BMPR2: variants seen among roughly 807,000 people sequenced by gnomAD.
BMPR2 encodes bone morphogenetic protein receptor type-2.
In BMPR2, 29 loss-of-function variants were observed where a neutral mutation model predicts 100.8. That is an observed-to-expected ratio of 0.29 (90% CI 0.21 to 0.39). The LOEUF is 0.39. Ranked by LOEUF, BMPR2 falls within the 10% of genes least tolerant of loss-of-function variation. The pLI, the probability that BMPR2 is intolerant of heterozygous loss-of-function variation, is 1.00. For synonymous variants in BMPR2, 382 were observed against 442.3 expected (o/e 0.86, Z 1.71); for missense variants, 1,011 against 1,274.5 (o/e 0.79, Z 3.15).
rs376362142 is a variant in BMPR2, at chr2:202,427,253, A to G, written c.77-37556A>G. On this transcript the variant is annotated intron_variant, in intron 1 of 12. Transcript: ENST00000374580. Reference sequence around the variant, plus strand: ...TGTGCCTGGTACTTCCCAGCTACTCAGGAAGCTGAGGTGAGAGGATTGCTT... The same window carrying G: ...TGTGCCTGGTACTTCCCAGCTACTCGGGAAGCTGAGGTGAGAGGATTGCTT... Among the ~76,000 whole-genome samples, 7 of 151,334 alleles carry G rather than the reference A, an allele frequency of 4.6e-5. No homozygotes were observed. In the East Asian group the frequency reaches 1.2e-3, roughly 26 times the overall value.
chr2:202,527,743 C>T (rs1687944511), intron 7 of BMPR2, among the ~76,000 whole-genome samples: 1 of 150,230 alleles, frequency 6.7e-6, no homozygotes, highest in Non-Finnish European at 1.5e-5. Context: ...GCCGACATTG[C>T]GCCACTGCAG....
intron 1 of BMPR2, among the ~76,000 whole-genome samples, chr2:202,425,774 C>T (rs1416746264): frequency 6.6e-6 from 1 of 151,954 alleles, no homozygotes; most frequent in Non-Finnish European, 1.5e-5. Context: ...ATCCTTTTGA[C>T]CTTGGTCTAA....
At chr2:202,510,682 T>C (rs1574484775) in intron 3 of BMPR2, among the ~76,000 whole-genome samples, 1 of 152,216 alleles carries the variant, frequency 6.6e-6, no homozygotes, top group South Asian at 2.1e-4. Flanking sequence ...TTTTTGTTTA[T>C]TTGTTTGTTT....
rs1448939585 is a variant in BMPR2, at chr2:202,565,106, T to C, written c.*5160T>C. 1 of 152,142 alleles carries C rather than the reference T, an allele frequency of 6.6e-6. No individual in the cohort carries two copies. The highest frequency in any genetic ancestry group is 1.5e-5 in the Non-Finnish European group (1 of 68,024). 9.4% of individuals were successfully genotyped at this position (152,142 alleles called of 1,614,324 possible). ...ATGTCTGACTTACTCCAAACCTCAG[T>C]TATCTGATTTGTAGTCTGTGTCAGG... is the stretch of plus-strand genomic sequence containing the variant. On this transcript the variant is annotated 3_prime_UTR_variant, in exon 13 of 13. Coordinates refer to ENST00000374580, the MANE Select transcript of BMPR2 (RefSeq NM_001204.7).
At chr2:202,454,261 G>A (rs1342856105) in intron 1 of BMPR2, among the ~76,000 whole-genome samples, 1 of 151,984 alleles carries the variant, frequency 6.6e-6, no homozygotes, top group African/African-American at 2.4e-5. Context: ...GGTAGAGATA[G>A]GGTTTTGCCA....
intron 1 of BMPR2, among the ~76,000 whole-genome samples, chr2:202,403,075 T>G (rs1374641587): frequency 4.0e-5 from 6 of 151,786 alleles, no homozygotes; most frequent in African/African-American, 1.5e-4. Flanking sequence ...TAATCCACCC[T>G]CCTCGGCCTC....
intron 1 of BMPR2, among the ~76,000 whole-genome samples, chr2:202,410,248 A>T (rs1690986456): frequency 6.6e-6 from 1 of 151,182 alleles, no homozygotes; most frequent in Non-Finnish European, 1.5e-5. Context: ...GCTTCCCAAG[A>T]TGCTGGGATT....
intron 3 of BMPR2, among the ~76,000 whole-genome samples, chr2:202,510,845 T>A (rs1687608252): frequency 1.3e-5 from 2 of 152,142 alleles, no homozygotes; most frequent in Admixed American, 6.5e-5. Flanking sequence ...CATGCCCAGC[T>A]AATTTTTGTC....
At chr2:202,424,224 G>A (rs764300112) in intron 1 of BMPR2, among the ~76,000 whole-genome samples, 11 of 150,662 alleles carry the variant, frequency 7.3e-5, no homozygotes, top group Non-Finnish European at 1.0e-4. Context: ...AAATGCAAAC[G>A]TTAGCTGGGC....
chr2:202,526,136 G>T (rs916717483), intron 7 of BMPR2, among the ~76,000 whole-genome samples: 4 of 152,050 alleles, frequency 2.6e-5, no homozygotes, highest in Non-Finnish European at 5.9e-5. Flanking sequence ...AAAGTGCTAG[G>T]ATTACAGGTG....
At chr2:202,537,379 A>G (rs1182217724) in intron 9 of BMPR2, among the ~76,000 whole-genome samples, 1 of 152,214 alleles carries the variant, frequency 6.6e-6, no homozygotes, top group East Asian at 1.9e-4. Flanking sequence ...ATCGCTTTTG[A>G]TCTGATAAAT....
At chr2:202,396,258 G>A (rs1411516036) in intron 1 of BMPR2, among the ~76,000 whole-genome samples, 1 of 152,192 alleles carries the variant, frequency 6.6e-6, no homozygotes, top group Non-Finnish European at 1.5e-5. Flanking sequence ...AGCTGAGGGT[G>A]GTGATGAAGG....
At position 202,560,569 on chromosome 2, in the gene BMPR2, C is replaced by T. The variant is rs1040033414; in HGVS notation, c.*623C>T. 5 of 154,838 alleles carry T rather than the reference C, an allele frequency of 3.2e-5. No individual in the cohort carries two copies. The highest frequency in any genetic ancestry group is 3.2e-4 in the Admixed American group (5 of 15,722). The allele number at this position is 154,838 out of a possible 1,614,324, so 9.6% of individuals were successfully genotyped here. On this transcript the variant is annotated 3_prime_UTR_variant, in exon 13 of 13. Transcript: ENST00000374580. ...CCCCATCTCCCATACTTTTGAAGGTCAGTTCTATGACAGTGAATTTTGCAC... is the reference window on the plus strand; with the variant it reads ...CCCCATCTCCCATACTTTTGAAGGTTAGTTCTATGACAGTGAATTTTGCAC...
chr2:202,544,855 C>G (rs1688347297), intron 10 of BMPR2, among the ~76,000 whole-genome samples: 1 of 146,230 alleles, frequency 6.8e-6, no homozygotes, highest in Non-Finnish European at 1.5e-5. Flanking sequence ...GCTTTGAACT[C>G]CTCTGCTTAA....
chr2:202,536,606 C>G (rs1257217962), intron 9 of BMPR2, among the ~76,000 whole-genome samples: 1 of 151,966 alleles, frequency 6.6e-6, no homozygotes, highest in African/African-American at 2.4e-5. Flanking sequence ...GGTGCGGTGG[C>G]TCACGCCTGT....
At chr2:202,510,667 GTTTT>G (rs201512579) in intron 3 of BMPR2, among the ~76,000 whole-genome samples, 8 of 150,052 alleles carry the variant, frequency 5.3e-5, no homozygotes, top group Non-Finnish European at 1.5e-5. Context: ...GGTTTTTTTT[GTTTT>G]TTTTTGTTTA....
chr2:202,393,456 T>G (rs1444201548), intron 1 of BMPR2, among the ~76,000 whole-genome samples: 1 of 152,106 alleles, frequency 6.6e-6, no homozygotes, highest in African/African-American at 2.4e-5. Flanking sequence ...TGGTAGTAAT[T>G]TAAAAATATA....
intron 1 of BMPR2, among the ~76,000 whole-genome samples, chr2:202,380,188 G>GC (rs35391357): frequency 0.13 from 18,520 of 147,022 alleles, 1,216 homozygotes; most frequent in Admixed American, 0.14. Context: ...CATTTTCTAT[G>GC]CCCCCCCCAA....
intron 9 of BMPR2, among the ~76,000 whole-genome samples, chr2:202,540,765 AAC>A (rs909420115): frequency 2.6e-5 from 4 of 152,298 alleles, no homozygotes; most frequent in Non-Finnish European, 4.4e-5. Context: ...GGAAGTCTGA[AAC>A]ACAGAATAGT....
Sources: gnomAD v4.1 joint callset for allele counts (sites outside exome capture counted in the v4.1 genomes callset) on GRCh38, gnomAD v4.1.1 for gene constraint, MANE v1.5 for transcripts, NCBI Gene and HGNC (gene_info 2026-07-23, HGNC 2026-07-21) for gene names.